Variants in OSBP2 observed in about 807,000 individuals in gnomAD.
OSBP2 encodes oxysterol binding protein 2, also known as oxysterol-binding protein 2.
In OSBP2, 66 loss-of-function variants were observed where a neutral mutation model predicts 96.0. That is an observed-to-expected ratio of 0.69 (90% confidence interval 0.56 to 0.84). The LOEUF is 0.84. Ranked by LOEUF, OSBP2 falls within the 40% of genes least tolerant of loss-of-function variation. The pLI, the probability that OSBP2 is intolerant of heterozygous loss-of-function variation, is 0.00. For missense variants in OSBP2, 1,038 were observed against 1,222.7 expected, an observed-to-expected ratio of 0.85 and a Z score of 2.25; for synonymous variants, 525 against 520.9, an observed-to-expected ratio of 1.01 and a Z score of -0.11.
At chr22:30,734,087 G>C (rs1280414101) in intron 1 of OSBP2, among the ~76,000 whole-genome samples, 1 of 152,016 alleles carries the variant, frequency 6.6e-6, no homozygotes, top group African/African-American at 2.4e-5. Flanking sequence ...CGACTCTCCT[G>C]CCTCAGCCTC....
At chr22:30,782,384 T>C (rs2090529626) in intron 2 of OSBP2, among the ~76,000 whole-genome samples, 1 of 152,208 alleles carries the variant, frequency 6.6e-6, no homozygotes, top group Non-Finnish European at 1.5e-5. Flanking sequence ...TCTTTTTTTT[T>C]CTTCACCATC....
intron 3 of OSBP2, chr22:30,872,379 C>T (rs1296783456): frequency 4.8e-5 from 22 of 456,392 alleles, no homozygotes; most frequent in Non-Finnish European, 8.4e-5. Context: ...CTTGAATAAG[C>T]AGTTTTGGCT....
chr22:30,904,758 T>C (rs545217359), intron 12 of OSBP2, among the ~76,000 whole-genome samples: 13 of 152,296 alleles, frequency 8.5e-5, no homozygotes, highest in African/African-American at 2.9e-4. Flanking sequence ...TACTGGGCCA[T>C]AAAGCAAATT....
upstream of OSBP2, chr22:30,693,902 C>G: frequency 4.7e-6 from 3 of 632,506 alleles, no homozygotes; most frequent in Non-Finnish European, 5.4e-6. Context: ...GAAGCGGAGG[C>G]TGCAGTGAAC....
rs2039456193 is a variant in OSBP2, at chr22:30,871,377, G to A, written c.1107+695G>A. Among the ~76,000 whole-genome samples the A allele has an allele frequency of 6.6e-6, 1 of 152,104 alleles. No homozygotes were observed. Among genetic ancestry groups the A allele is most frequent in the African/African-American group, 2.4e-5 (1 of 41,432 alleles). On this transcript the variant is annotated intron_variant, in intron 3 of 13. Transcript: ENST00000332585. The surrounding 1 kb of genome is among the most constrained non-coding windows in gnomAD (Gnocchi z 4.7). ...GCTTCCCTCTTTCTGTCTGGGGAGT[G>A]TTCCCCAGAAGTGTGCGTGCTCCTC...
intron 1 of OSBP2, among the ~76,000 whole-genome samples, chr22:30,703,185 A>G (rs1354174234): frequency 6.7e-6 from 1 of 150,230 alleles, no homozygotes; most frequent in African/African-American, 2.4e-5. Context: ...TTTTTTTTAA[A>G]TTTTTTGAGA....
In OSBP2 at chr22:30,779,728, A is replaced by G. The variant is rs189434525; in HGVS notation, c.853+38359A>G. On this transcript the variant is annotated intron_variant, in intron 2 of 13. Transcript: ENST00000332585. ...AAAAGAAGTACCTTTTTTTCAAAGTATCCTCAGTTCCTTTCCAGAATGAAG... is the reference window on the plus strand; with the variant it reads ...AAAAGAAGTACCTTTTTTTCAAAGTGTCCTCAGTTCCTTTCCAGAATGAAG... Among the ~76,000 whole-genome samples the G allele has an allele frequency of 1.4e-4, 22 of 152,270 alleles. No individual in the cohort carries two copies. In the East Asian group the frequency reaches 4.2e-3, roughly 29 times the overall value.
chr22:30,793,781 G>A (rs2090714638), intron 2 of OSBP2, among the ~76,000 whole-genome samples: 1 of 152,014 alleles, frequency 6.6e-6, no homozygotes, highest in Non-Finnish European at 1.5e-5. Context: ...GTTTGAGGCT[G>A]CAGTGAGCTA....
intron 2 of OSBP2, among the ~76,000 whole-genome samples, chr22:30,867,941 G>C (rs1391742614): frequency 9.2e-5 from 14 of 152,260 alleles, no homozygotes; most frequent in African/African-American, 3.1e-4. Context: ...TGGCCGTTCT[G>C]GTTATTAGAT....
At chr22:30,840,011 A>G (rs756430783) in intron 2 of OSBP2, among the ~76,000 whole-genome samples, 3 of 147,896 alleles carry the variant, frequency 2.0e-5, no homozygotes, top group South Asian at 2.1e-4. Context: ...ATCTTGAATT[A>G]ATTTTTGTAT....
chr22:30,707,345 C>T (rs552687898), intron 1 of OSBP2, among the ~76,000 whole-genome samples: 2 of 152,250 alleles, frequency 1.3e-5, no homozygotes, highest in East Asian at 3.9e-4. Context: ...GATCCACCCA[C>T]CTTGACCTCC....
At chr22:30,855,385 A>C (rs765010855) in intron 2 of OSBP2, among the ~76,000 whole-genome samples, 8 of 152,140 alleles carry the variant, frequency 5.3e-5, no homozygotes, top group Non-Finnish European at 1.2e-4. Flanking sequence ...TGCCTCACAG[A>C]ACCTTAGCAC....
chr22:30,698,940 T>C (rs2089108231), intron 1 of OSBP2, among the ~76,000 whole-genome samples: 2 of 151,324 alleles, frequency 1.3e-5, no homozygotes, highest in Admixed American at 6.6e-5. Flanking sequence ...ATATTTTTTA[T>C]TGCAATTTTT....
At chr22:30,889,731 C>G in intron 7 of OSBP2, 95 bp downstream of exon 7, 3 of 1,146,410 alleles carry the variant, frequency 2.6e-6, no homozygotes, top group Non-Finnish European at 3.8e-6. Flanking sequence ...GTACACACAG[C>G]CTTGGAGTGT....
At position 30,890,807 on chromosome 22, in the gene OSBP2, T is replaced by C. The variant is rs1266328545; in HGVS notation, c.1703T>C (p.Val568Ala). The C allele has an allele frequency of 6.2e-7, 1 of 1,613,564 alleles. No individual in the cohort carries two copies. Among genetic ancestry groups the C allele is most frequent in the East Asian group, 2.2e-5 (1 of 44,896 alleles). ...TACCACCACCTGCTGGACAAGGCAG[T>C]GCACTGCACCAGCTCAGTGGAGCAG... ...LEYHHLLDKA[V>A]HCTSSVEQMC... Residue 568 changes from valine to alanine, a missense_variant, in exon 8 of 14, where the codon GTG becomes GCG. Physicochemically the swap from Val to Ala is moderately conservative, Grantham distance 64 (BLOSUM62 0). Around this residue, in one of 3 missense-constraint regions of OSBP2, gnomAD observed 737 missense variants for 913.3 expected, o/e 0.81. Coordinates refer to ENST00000332585, the MANE Select transcript of OSBP2 (RefSeq NM_030758.4). The surrounding 1 kb of genome is among the most constrained non-coding windows in gnomAD (Gnocchi z 4.4).
rs557017002 is a variant in OSBP2 at position 30,906,753 on chromosome 22, G to C, written c.*414G>C. ...CATTTCTTTCCAGCCATGATGTTTAGTAAATATTTTTAGTACCGCACTTAG... is the reference window on the plus strand; with the variant it reads ...CATTTCTTTCCAGCCATGATGTTTACTAAATATTTTTAGTACCGCACTTAG... On this transcript the variant is annotated 3_prime_UTR_variant, in exon 14 of 14. Coordinates refer to ENST00000332585, the MANE Select transcript of OSBP2 (RefSeq NM_030758.4). 1 of 161,496 alleles carries C rather than the reference G, an allele frequency of 6.2e-6. No individual in the cohort carries two copies. Among genetic ancestry groups the C allele is most frequent in the South Asian group, 2.0e-4 (1 of 4,916 alleles). 10.0% of individuals were successfully genotyped at this position (161,496 alleles called of 1,614,324 possible). A position where few individuals can be genotyped will look rare whatever the true frequency, so the allele number is the denominator to read the frequency against.
chr22:30,811,456 G>A (rs1356320679), intron 2 of OSBP2, among the ~76,000 whole-genome samples: 1 of 150,046 alleles, frequency 6.7e-6, no homozygotes, highest in Non-Finnish European at 1.5e-5. Context: ...AGAGATTCTC[G>A]TGCCTCAGCT....
chr22:30,815,019 C>A (rs551784008), intron 2 of OSBP2, among the ~76,000 whole-genome samples: 7 of 152,294 alleles, frequency 4.6e-5, no homozygotes, highest in African/African-American at 1.7e-4. Flanking sequence ...CGGTGGCTCA[C>A]ACCTGTAATC....
At chr22:30,802,285 A>G (rs1020520119) in intron 2 of OSBP2, among the ~76,000 whole-genome samples, 3 of 152,184 alleles carry the variant, frequency 2.0e-5, no homozygotes, top group Non-Finnish European at 2.9e-5. Context: ...CGGTTCTGCG[A>G]GATGTCATCA....
Sources: gnomAD v4.1 joint callset for allele counts (sites outside exome capture counted in the v4.1 genomes callset) on GRCh38, gnomAD v4.1.1 for gene constraint, gnomAD v4.1.1 regional missense constraint, Gnocchi (gnomAD v3.1) non-coding constraint, MANE v1.5 for transcripts, NCBI Gene and HGNC (gene_info 2026-07-23, HGNC 2026-07-21) for gene names.